The following CDHR2 variants were observed in gnomAD, a reference collection of about 807,000 sequenced individuals.
CDHR2 encodes the protein cadherin related family member 2.
Under a neutral mutation model 138.6 loss-of-function variants are expected in CDHR2, and 104 were observed. The ratio of observed to expected loss-of-function variants is 0.75; its 90% CI spans 0.64 to 0.88. The LOEUF is 0.88. CDHR2 is among the 40% of genes least tolerant of loss of function. The pLI, the probability that CDHR2 is intolerant of heterozygous loss-of-function variation, is 0.00. For synonymous variants in CDHR2, 755 were observed against 742.8 expected (o/e 1.02, Z -0.27); for missense variants, 1,624 against 1,727.6 (o/e 0.94, Z 1.06).
intron 16 of CDHR2, among the ~76,000 whole-genome samples, chr5:176,578,810 G>A (rs554052446): frequency 5.3e-5 from 8 of 152,302 alleles, no homozygotes; most frequent in African/African-American, 1.9e-4. Context: ...TGACTTGTGT[G>A]AGGAGCTCAG....
chr5:176,559,364 G>A (rs1406645758), intron 1 of CDHR2, among the ~76,000 whole-genome samples: 1 of 152,184 alleles, frequency 6.6e-6, no homozygotes, highest in Non-Finnish European at 1.5e-5. Flanking sequence ...TTCTGATTCT[G>A]GGTCCTTTGT....
chr5:176,584,097 A>G lies in CDHR2; in HGVS notation c.2059-93A>G, dbSNP rs140187500. 8,592 of 1,061,140 alleles carry G rather than the reference A, an allele frequency of 8.1e-3. 53 individuals are homozygous for G. Among genetic ancestry groups the G allele is most frequent in the South Asian group, 0.016 (1,185 of 75,686 alleles). 65.7% of individuals were successfully genotyped at this position (1,061,140 alleles called of 1,614,324 possible). A position where few individuals can be genotyped will look rare whatever the true frequency, so the allele number is the denominator to read the frequency against. On this transcript the variant is annotated intron_variant, in intron 17 of 31. Coordinates refer to ENST00000261944, the MANE Select transcript of CDHR2 (RefSeq NM_017675.6). ...GAGGTCTGAGGCACTAGTAGAGTCC[A>G]TGCCTTGGAGCACAGGGATTATTGG...
chr5:176,569,323 G>T (rs1466139992), intron 5 of CDHR2, among the ~76,000 whole-genome samples: 2 of 143,176 alleles, frequency 1.4e-5, no homozygotes, highest in Admixed American at 1.5e-4. Context: ...TCGCTCTGTC[G>T]CCCAGGCTGG....
chr5:176,543,694 C>T lies in CDHR2; in HGVS notation c.-16+925C>T, dbSNP rs1352882050. 6.6e-6 allele frequency: 1 copy of T among 152,244 alleles called. No individual in the cohort carries two copies. Among genetic ancestry groups the T allele is most frequent in the African/African-American group, 2.4e-5 (1 of 41,460 alleles). 9.4% of individuals were successfully genotyped at this position (152,244 alleles called of 1,614,324 possible). On this transcript the variant is annotated intron_variant, in intron 1 of 31. Coordinates refer to the CDHR2 transcript ENST00000510636. This position sits in a 1 kb window ranked among gnomAD's most constrained non-coding sequence, Gnocchi z 4.0. ...TCGCTTCCCGGAGAGTGTGTCCCCT[C>T]CCCCAGCCCCGGTGGGCGCGGAGGT...
chr5:176,566,797 C>T lies in CDHR2; in HGVS notation c.124+1054C>T, dbSNP rs146782247. On this transcript the variant is annotated intron_variant, in intron 3 of 31. Coordinates refer to ENST00000261944, the MANE Select transcript of CDHR2 (RefSeq NM_017675.6). The stretch of plus-strand genomic sequence containing the variant: ...TTTGTCTCTTTGGCCAAAACTAAGC[C>T]ACAGACCCACGCCTAGCTGCAAGGG... 2,903 of 385,406 alleles carry T rather than the reference C, an allele frequency of 7.5e-3. 56 individuals are homozygous for T. The highest frequency in any genetic ancestry group is 0.054 in the African/African-American group (2,597 of 47,866). 23.9% of individuals were successfully genotyped at this position (385,406 alleles called of 1,614,324 possible).
chr5:176,585,059 G>T, intron 19 of CDHR2, 44 bp downstream of exon 19: 1 of 1,502,930 alleles, frequency 6.7e-7, no homozygotes, highest in South Asian at 1.3e-5. Flanking sequence ...CCATAGCTTA[G>T]GGGCCGCGGG....
chr5:176,580,871 A>G (rs1054685129), intron 16 of CDHR2, among the ~76,000 whole-genome samples: 1 of 152,316 alleles, frequency 6.6e-6, no homozygotes. Context: ...CAAGAGCGAA[A>G]CTGTATGAAA....
In CDHR2 at chr5:176,584,452, C is replaced by T. The variant is rs113163991; in HGVS notation, c.2171C>T (p.Thr724Met). ...GVVKAWDADQ[T>M]EANNRISFSL... ...GTGAAGGCCTGGGACGCGGACCAGA[C>T]GGAAGCCAACAACCGCATCAGCTTC... Residue 724 changes from threonine (T) to methionine (M), a missense_variant, in exon 19 of 32, where the codon ACG becomes ATG. This residue lies in a region of CDHR2 where 1,061 missense variants were observed against 1,136.6 expected (regional missense o/e 0.93). Coordinates refer to ENST00000261944, the MANE Select transcript of CDHR2 (RefSeq NM_017675.6). The T allele has an allele frequency of 5.9e-5, 94 of 1,605,588 alleles. No homozygotes were observed. Among genetic ancestry groups the T allele is most frequent in the African/African-American group, 3.7e-4 (28 of 74,960 alleles).
upstream of CDHR2, among the ~76,000 whole-genome samples, chr5:176,544,622 T>A (rs1257599709): frequency 1.2e-3 from 187 of 152,220 alleles, no homozygotes; most frequent in Non-Finnish European, 1.2e-4. Context: ...TGTGTTTTAG[T>A]GGAGATGGGG....
intron 1 of CDHR2, among the ~76,000 whole-genome samples, chr5:176,550,136 G>A (rs1157993246): frequency 6.6e-6 from 1 of 152,230 alleles, no homozygotes; most frequent in African/African-American, 2.4e-5. Context: ...GCACAAGGCA[G>A]GGTCCCAGTG....
At chr5:176,590,789 T>G in intron 28 of CDHR2, 102 bp downstream of exon 28, 517 of 1,488,766 alleles carry the variant, frequency 3.5e-4, no homozygotes, top group Middle Eastern at 4.8e-4. Context: ...GGCACAGGTA[T>G]ACATGCATTC....
chr5:176,546,651 C>T (rs995287617), upstream of CDHR2, among the ~76,000 whole-genome samples: 2 of 147,718 alleles, frequency 1.4e-5, no homozygotes, highest in African/African-American at 5.0e-5. Context: ...CTGGGCAGGG[C>T]GGCTCACACC....
Position 176,571,262 on chromosome 5 carries a change from C to T in CDHR2, c.365C>T (p.Pro122Leu). 1 of 1,612,068 alleles carries T rather than the reference C, an allele frequency of 6.2e-7. No individual in the cohort carries two copies. The highest frequency in any genetic ancestry group is 1.1e-5 in the South Asian group (1 of 90,876). The change falls in exon 6 of 32, where the codon CCC (proline) becomes CTC (leucine). Residue 122 changes from proline (P) to leucine (L), a missense_variant. Physicochemically the swap from Pro to Leu is moderately conservative, Grantham distance 98 (BLOSUM62 -3). Around this residue, in one of 3 missense-constraint regions of CDHR2, gnomAD observed 1,061 missense variants for 1,136.6 expected, o/e 0.93. Transcript: ENST00000261944. ...GTGGAAGATAGAAACGACAACGCACCCGTTTTCCAGAACACCGCTTTCTCC... is the reference window on the plus strand; with the variant it reads ...GTGGAAGATAGAAACGACAACGCACTCGTTTTCCAGAACACCGCTTTCTCC... ...VIVEDRNDNAPVFQNTAFSTS... is the reference protein window; with the variant it reads ...VIVEDRNDNALVFQNTAFSTS...
At chr5:176,581,205 TG>T in intron 16 of CDHR2, 137 bp from the exon 17 acceptor site, 1 of 1,128,536 alleles carries the variant, frequency 8.9e-7, no homozygotes, top group Non-Finnish European at 1.2e-6. Flanking sequence ...AAACTGGGGC[TG>T]GGAGATGGGC....
Position 176,574,144 on chromosome 5 carries a change from C to G in CDHR2, c.467C>G (p.Ala156Gly). 1 of 1,613,954 alleles carries G rather than the reference C, an allele frequency of 6.2e-7. No homozygotes were observed. The highest frequency in any genetic ancestry group is 1.1e-5 in the South Asian group (1 of 91,076). ...GCCGTGGATAAAGACATGGGGTCTG[C>G]AGGCATGGTCGTGTACTCCATAGAG... ...VLAVDKDMGS[A>G]GMVVYSIEKV... Residue 156 changes from alanine to glycine, a missense_variant, in exon 7 of 32, where the codon GCA becomes GGA. Physicochemically the swap from Ala to Gly is moderately conservative, Grantham distance 60. Coordinates refer to ENST00000261944, the MANE Select transcript of CDHR2 (RefSeq NM_017675.6).
At chr5:176,558,741 C>T (rs111991829) in intron 1 of CDHR2, among the ~76,000 whole-genome samples, 5 of 150,712 alleles carry the variant, frequency 3.3e-5, no homozygotes, top group Admixed American at 1.3e-4. Flanking sequence ...AGGATGGTCT[C>T]GATCTCCTGA....
At position 176,591,720 on chromosome 5, in the gene CDHR2, GGTGATGGTGATGGTT is replaced by G. The variant is rs1156557427; in HGVS notation, c.3734+251_3734+265del. On this transcript the variant is annotated intron_variant, in intron 30 of 31. Coordinates refer to ENST00000261944, the MANE Select transcript of CDHR2 (RefSeq NM_017675.6). ...GTGGTGATGATGGTGTTGGTGTTGA[GGTGATGGTGATGGTT>G]GTGATGGTGATGGTGGTGATGATGG... is the stretch of plus-strand genomic sequence containing the variant. 1.1e-5 allele frequency: 5 copies of G among 472,808 alleles called. No individual in the cohort carries two copies. In the African/African-American group the frequency reaches 1.1e-4, roughly 10 times the overall value. The allele number at this position is 472,808 out of a possible 1,614,324, so 29.3% of individuals were successfully genotyped here.
chr5:176,565,102 A>G (rs1169817388), intron 1 of CDHR2, among the ~76,000 whole-genome samples: 1 of 152,150 alleles, frequency 6.6e-6, no homozygotes, highest in Admixed American at 6.5e-5. Context: ...TTCCTGGTGC[A>G]TGGCAGGTCC....
chr5:176,593,242 G>GGA (rs148560278), intron 31 of CDHR2, among the ~76,000 whole-genome samples: 3,517 of 152,292 alleles, frequency 0.023, 134 homozygotes, highest in African/African-American at 0.079. Context: ...TGTTAAACAG[G>GGA]TGAGTTGGTT....
Sources: allele counts gnomAD v4.1 joint callset (sites outside exome capture counted in the v4.1 genomes callset), GRCh38; gene constraint gnomAD v4.1.1; regional missense constraint gnomAD v4.1.1; non-coding constraint Gnocchi (gnomAD v3.1); transcripts MANE v1.5; gene names NCBI Gene and HGNC (gene_info 2026-07-23, HGNC 2026-07-21).